RBM20: variants seen among roughly 807,000 people sequenced by gnomAD.
RBM20 encodes RNA binding motif protein 20, also known as RNA-binding protein 20.
RBM20 carries 51 observed loss-of-function variants against 110.1 expected under a neutral mutation model. The observed-to-expected ratio is 0.46, with a 90% confidence interval of 0.37 to 0.59. The LOEUF is 0.59. Among genes scored for constraint, RBM20 ranks in the 20% least tolerant of loss-of-function variants. The probability of loss-of-function intolerance (pLI) is 0.00; values close to 1 mark genes in which losing one functional copy is unlikely to be tolerated. For missense variants in RBM20, 1,512 were observed against 1,574.9 expected (o/e 0.96, Z 0.68); for synonymous variants, 589 against 618.2 (o/e 0.95, Z 0.70).
chr10:110,647,539 T>C (rs970013799), intron 1 of RBM20, among the ~76,000 whole-genome samples: 13 of 152,190 alleles, frequency 8.5e-5, no homozygotes, highest in African/African-American at 3.1e-4. Context: ...AAACACGATT[T>C]AGGCTATTTA....
chr10:110,816,027 C>A (rs1317525641), intron 9 of RBM20, among the ~76,000 whole-genome samples: 1 of 152,168 alleles, frequency 6.6e-6, no homozygotes. Flanking sequence ...CCCCACAGGG[C>A]TGCCCCTGGA....
intron 5 of RBM20, among the ~76,000 whole-genome samples, chr10:110,794,653 A>C (rs1468615383): frequency 6.6e-6 from 1 of 152,268 alleles, no homozygotes; most frequent in Non-Finnish European, 1.5e-5. Flanking sequence ...TAAAAATCTC[A>C]TTAGTGTCTT....
At chr10:110,732,748 T>C (rs1286822473) in intron 1 of RBM20, among the ~76,000 whole-genome samples, 1 of 152,154 alleles carries the variant, frequency 6.6e-6, no homozygotes, top group African/African-American at 2.4e-5. Flanking sequence ...ACTGAAATCA[T>C]GTCAAGGGTG....
chr10:110,750,078 A>G (rs1843833349), intron 1 of RBM20, among the ~76,000 whole-genome samples: 1 of 152,236 alleles, frequency 6.6e-6, no homozygotes, highest in Non-Finnish European at 1.5e-5. Context: ...GCCTCTGGAC[A>G]CAGAGTGAGG....
At chr10:110,824,627 C>T (rs917713407) in intron 12 of RBM20, among the ~76,000 whole-genome samples, 1 of 152,124 alleles carries the variant, frequency 6.6e-6, no homozygotes, top group Non-Finnish European at 1.5e-5. Flanking sequence ...GAATGAATCC[C>T]TTTTCAAAGA....
chr10:110,684,431 AAAAG>A (rs977110108), intron 1 of RBM20, among the ~76,000 whole-genome samples: 2 of 146,528 alleles, frequency 1.4e-5, no homozygotes, highest in African/African-American at 2.5e-5. Flanking sequence ...AAACAAAAGA[AAAAG>A]AAAAAGAAAA....
chr10:110,768,215 C>G (rs1345250459), intron 1 of RBM20, among the ~76,000 whole-genome samples: 1 of 151,158 alleles, frequency 6.6e-6, no homozygotes, highest in African/African-American at 2.4e-5. Context: ...CAGAGGTAGA[C>G]CGTGGAAAGA....
At chr10:110,729,053 G>A (rs754988976) in intron 1 of RBM20, among the ~76,000 whole-genome samples, 2 of 152,150 alleles carry the variant, frequency 1.3e-5, no homozygotes, top group African/African-American at 2.4e-5. Flanking sequence ...ACTGTTCGCC[G>A]AGACAGAATA....
At position 110,810,415 on chromosome 10, in the gene RBM20, G is replaced by A. The variant is rs1361347193; in HGVS notation, c.1833G>A (p.Gln611=). 1 of 1,551,612 alleles carries A rather than the reference G, an allele frequency of 6.4e-7. No individual in the cohort carries two copies. Residue 611 remains glutamine, a synonymous_variant, in exon 8 of 14, where the codon CAG becomes CAA. Coordinates refer to ENST00000369519, the MANE Select transcript of RBM20 (RefSeq NM_001134363.3). ...KPGKAVAAII[Q]DIHSQRERDM... ...GGAAGGCCGTGGCTGCCATCATCCAGGACATCCATTCCCAGAGGGAGAGGG... is the reference window on the plus strand; with the variant it reads ...GGAAGGCCGTGGCTGCCATCATCCAAGACATCCATTCCCAGAGGGAGAGGG...
chr10:110,796,891 G>A (rs1387569203), intron 5 of RBM20, among the ~76,000 whole-genome samples: 1 of 152,036 alleles, frequency 6.6e-6, no homozygotes, highest in Non-Finnish European at 1.5e-5. Context: ...CCAATTTTTT[G>A]CCACCTAATA....
rs986669125 is a variant in RBM20, at chr10:110,645,069, C to T, written c.191+424C>T. Among the ~76,000 whole-genome samples, 3 of 152,214 alleles carry T rather than the reference C, an allele frequency of 2.0e-5. No individual in the cohort carries two copies. The South Asian group carries it at 6.2e-4, about 32-fold the overall frequency. ...AAAATTAAACCACCCTTCATGGTGC[C>T]CCTGAAACCAACCAGTGGAAAGGGA... On this transcript the variant is annotated intron_variant, in intron 1 of 13. Transcript: ENST00000369519.
At chr10:110,752,939 ATATATATTTT>A (rs1843874225) in intron 1 of RBM20, among the ~76,000 whole-genome samples, 3 of 93,802 alleles carry the variant, frequency 3.2e-5, no homozygotes, top group South Asian at 3.1e-4. Context: ...ATATATATAT[ATATATATTTT>A]TTTTTTTTTT....
At chr10:110,665,979 A>T (rs35866177) in intron 1 of RBM20, among the ~76,000 whole-genome samples, 4 of 149,668 alleles carry the variant, frequency 2.7e-5, no homozygotes, top group Middle Eastern at 3.4e-3. Flanking sequence ...GCCCAGTGTG[A>T]TGGCACAAAG....
At chr10:110,763,063 T>G (rs886191091) in intron 1 of RBM20, among the ~76,000 whole-genome samples, 1 of 152,112 alleles carries the variant, frequency 6.6e-6, no homozygotes, top group African/African-American at 2.4e-5. Context: ...CAACGGAGCC[T>G]GGGACAGCCT....
At chr10:110,645,187 T>C (rs1411789320) in intron 1 of RBM20, among the ~76,000 whole-genome samples, 2 of 152,188 alleles carry the variant, frequency 1.3e-5, no homozygotes, top group Non-Finnish European at 2.9e-5. Context: ...TACGCAACCG[T>C]TTTCCATTAA....
chr10:110,748,857 C>T (rs1361789599), intron 1 of RBM20, among the ~76,000 whole-genome samples: 1 of 152,168 alleles, frequency 6.6e-6, no homozygotes, highest in Non-Finnish European at 1.5e-5. Flanking sequence ...AGACCATGTG[C>T]CCATTAAGCA....
chr10:110,695,493 G>T (rs1023817678), intron 1 of RBM20, among the ~76,000 whole-genome samples: 1 of 152,198 alleles, frequency 6.6e-6, no homozygotes, highest in East Asian at 1.9e-4. Context: ...ACCCTTTGCT[G>T]TCTTGGACTC....
rs180759560 is a variant in RBM20, at chr10:110,658,964, G to T, written c.191+14319G>T. Among the ~76,000 whole-genome samples, 9 of 152,246 alleles carry T rather than the reference G, an allele frequency of 5.9e-5. No individual in the cohort carries two copies. In the East Asian group the frequency reaches 1.5e-3, roughly 26 times the overall value. On this transcript the variant is annotated intron_variant, in intron 1 of 13. Coordinates refer to ENST00000369519, the MANE Select transcript of RBM20 (RefSeq NM_001134363.3). ...TAGCATTTGTCCGTGCTCTCCTCTT[G>T]CTTGTCTCCCATAAAGACCATGCAA...
rs1373422905 is a variant in RBM20, at chr10:110,839,055, C to T, written c.*3077C>T. The T allele has an allele frequency of 6.6e-6, 1 of 152,166 alleles. No homozygotes were observed. The highest frequency in any genetic ancestry group is 1.9e-4 in the East Asian group (1 of 5,200). The allele number at this position is 152,166 out of a possible 1,614,324, so 9.4% of individuals were successfully genotyped here. A position where few individuals can be genotyped will look rare whatever the true frequency, so the allele number is the denominator to read the frequency against. ...AAAAGGATGCTGAAGAGCAATTGCT[C>T]CCTTAAGCAACAGATTCATATTTAC... is the stretch of plus-strand genomic sequence containing the variant. On this transcript the variant is annotated 3_prime_UTR_variant, in exon 14 of 14. Coordinates refer to ENST00000369519, the MANE Select transcript of RBM20 (RefSeq NM_001134363.3).
Sources: allele counts gnomAD v4.1 joint callset (sites outside exome capture counted in the v4.1 genomes callset), GRCh38; gene constraint gnomAD v4.1.1; transcripts MANE v1.5; gene names NCBI Gene and HGNC (gene_info 2026-07-23, HGNC 2026-07-21).